Variants in UBAP2L observed in about 807,000 individuals in gnomAD.
UBAP2L encodes ubiquitin-associated protein 2-like.
A neutral mutation model predicts 130.6 loss-of-function variants in UBAP2L; 12 were observed. That is an observed-to-expected ratio of 0.09 (90% CI 0.06 to 0.15). UBAP2L has a LOEUF of 0.15. UBAP2L is among the 10% of genes least tolerant of loss of function. The pLI, the probability that UBAP2L is intolerant of heterozygous loss-of-function variation, is 1.00. For missense variants in UBAP2L, 965 were observed against 1,332.5 expected, an observed-to-expected ratio of 0.72 and a Z score of 4.29; for synonymous variants, 503 against 524.7, an observed-to-expected ratio of 0.96 and a Z score of 0.57.
chr1:154,227,142 C>G (rs1242565803), intron 2 of UBAP2L, 140 bp from the exon 3 acceptor site: 101 of 675,150 alleles, frequency 1.5e-4, no homozygotes, highest in Non-Finnish European at 3.1e-5. Flanking sequence ...CCCCATTAAG[C>G]GTCCTAAATG....
intron 1 of UBAP2L, among the ~76,000 whole-genome samples, chr1:154,223,064 G>A (rs1379781820): frequency 6.6e-6 from 1 of 152,154 alleles, no homozygotes; most frequent in Non-Finnish European, 1.5e-5. Flanking sequence ...GCCCTCAAGT[G>A]ATCCATTCCA....
chr1:154,224,989 A>G, intron 1 of UBAP2L, 95 bp from the exon 2 acceptor site: 2 of 693,386 alleles, frequency 2.9e-6, no homozygotes, highest in Non-Finnish European at 4.8e-6. Context: ...GTTCCTTTGA[A>G]GAAGTGAAAG....
At chr1:154,246,903 A>G (rs972711540) in intron 11 of UBAP2L, among the ~76,000 whole-genome samples, 1 of 152,210 alleles carries the variant, frequency 6.6e-6, no homozygotes, top group Non-Finnish European at 1.5e-5. Context: ...ATCTTCCCAA[A>G]GGTGGCTATA....
chr1:154,225,029 G>A, intron 1 of UBAP2L, 55 bp from the exon 2 acceptor site: 2 of 1,229,790 alleles, frequency 1.6e-6, no homozygotes, highest in Admixed American at 2.0e-5. Flanking sequence ...TGATGAGAGA[G>A]TTAAAAACAT....
chr1:154,261,217 G>C, intron 23 of UBAP2L, 108 bp downstream of exon 23: 3 of 1,273,406 alleles, frequency 2.4e-6, no homozygotes, highest in Non-Finnish European at 3.2e-6. Context: ...AGGAGGAACA[G>C]TTTCCACCTC....
intron 4 of UBAP2L, among the ~76,000 whole-genome samples, chr1:154,230,154 G>A (rs1268660871): frequency 6.6e-6 from 1 of 152,096 alleles, no homozygotes; most frequent in African/African-American, 2.4e-5. Flanking sequence ...CTACAGGCAT[G>A]CACCACCATG....
In UBAP2L at chr1:154,246,223, C is replaced by T; in HGVS notation, c.862C>T (p.Leu288=). 1 of 1,611,282 alleles carries T rather than the reference C, an allele frequency of 6.2e-7. No homozygotes were observed. Among genetic ancestry groups the T allele is most frequent in the Non-Finnish European group, 8.5e-7 (1 of 1,178,136 alleles). Residue 288 remains leucine, a synonymous_variant, in exon 11 of 27, where the codon CTG becomes TTG. Transcript: ENST00000428931. ...AGQRIDLAVL[L]GKTPSTMEND... ...CATTAGAATTGACCTTGCTGTTCTG[C>T]TGGGGAAGACACCATCTACAATGGA... is the stretch of plus-strand genomic sequence containing the variant.
intron 23 of UBAP2L, 104 bp downstream of exon 23, chr1:154,261,213 AAC>A: frequency 7.6e-7 from 1 of 1,309,772 alleles, no homozygotes; most frequent in Non-Finnish European, 1.0e-6. Context: ...GATGAGGAGG[AAC>A]AGTTTCCACC....
At chr1:154,238,750 T>C (rs1672524161) in intron 8 of UBAP2L, among the ~76,000 whole-genome samples, 1 of 152,138 alleles carries the variant, frequency 6.6e-6, no homozygotes, top group Non-Finnish European at 1.5e-5. Flanking sequence ...TTTTCTTTTT[T>C]TCTTTTTTGA....
Position 154,249,281 on chromosome 1 carries a change from A to G in UBAP2L, c.1057A>G (p.Lys353Glu), listed in dbSNP as rs1229319510. The change falls in exon 12 of 27, where the codon AAA becomes GAA. Residue 353 changes from lysine (K) to glutamate (E), a missense_variant. Coordinates refer to ENST00000428931, the MANE Select transcript of UBAP2L (RefSeq NM_014847.4). ...AGGATTTGGTGATGTCGGTGAAGCTAAAGGCGGCAGTACTACAGGCTCCCA... is the reference window on the plus strand; with the variant it reads ...AGGATTTGGTGATGTCGGTGAAGCTGAAGGCGGCAGTACTACAGGCTCCCA... ...GKGFGDVGEA[K>E]GGSTTGSQFL... is the part of the protein sequence containing the mutation. 24 of 1,614,016 alleles carry G rather than the reference A, an allele frequency of 1.5e-5. No individual in the cohort carries two copies. Among genetic ancestry groups the G allele is most frequent in the Non-Finnish European group, 1.9e-5 (23 of 1,180,038 alleles).
chr1:154,246,216 T>C lies in UBAP2L; in HGVS notation c.855T>C (p.Ala285=), dbSNP rs376054097. The C allele has an allele frequency of 6.2e-7, 1 of 1,610,424 alleles. No individual in the cohort carries two copies. The highest frequency in any genetic ancestry group is 8.5e-7 in the Non-Finnish European group (1 of 1,177,338). The stretch of plus-strand genomic sequence containing the variant: ...CCTTCCCCATTAGAATTGACCTTGC[T>C]GTTCTGCTGGGGAAGACACCATCTA... The part of the protein sequence containing the change: ...TITAGQRIDL[A]VLLGKTPSTM... The change falls in exon 11 of 27, where the codon GCT becomes GCC. Residue 285 remains alanine, a synonymous_variant. Transcript: ENST00000428931.
upstream of UBAP2L, chr1:154,220,688 A>G (rs1347781768): frequency 2.1e-6 from 1 of 482,678 alleles, no homozygotes; most frequent in Non-Finnish European, 3.8e-6. Context: ...CAGTAAGAGG[A>G]AGCGGCGGCC....
intron 26 of UBAP2L, chr1:154,269,718 A>T (rs1558243047): frequency 1.6e-5 from 5 of 315,438 alleles, no homozygotes. Context: ...ATGGGCTCAC[A>T]GATGTGATGT....
Position 154,255,734 on chromosome 1 carries a change from C to T in UBAP2L, c.2136C>T (p.Arg712=), listed in dbSNP as rs1367120904. The stretch of plus-strand genomic sequence containing the variant: ...TTTCATCATCAACATCTTCTGGGCG[C>T]ACTTCGACATCCACTCTTTTGGTAA... The part of the protein sequence containing the change: ...NTLSSSTSSG[R]TSTSTLLHTS... The change falls in exon 18 of 27, where the codon CGC becomes CGT. Residue 712 remains arginine (R), a synonymous_variant. Coordinates refer to ENST00000428931, the MANE Select transcript of UBAP2L (RefSeq NM_014847.4). The T allele has an allele frequency of 6.2e-7, 1 of 1,614,176 alleles. No individual in the cohort carries two copies. Among genetic ancestry groups the T allele is most frequent in the African/African-American group, 1.3e-5 (1 of 75,048 alleles).
At chr1:154,226,524 A>G (rs1285659020) in intron 2 of UBAP2L, among the ~76,000 whole-genome samples, 2 of 152,218 alleles carry the variant, frequency 1.3e-5, no homozygotes, top group East Asian at 3.8e-4. Flanking sequence ...GAATTATAAT[A>G]CTTAGTTGGG....
intron 2 of UBAP2L, among the ~76,000 whole-genome samples, chr1:154,226,464 C>G (rs184675964): frequency 1.3e-5 from 2 of 152,154 alleles, no homozygotes; most frequent in African/African-American, 4.8e-5. Context: ...ATTAGGACAT[C>G]CCCCTTACGC....
Position 154,237,052 on chromosome 1 carries a change from C to T in UBAP2L, c.619C>T (p.Pro207Ser), listed in dbSNP as rs764236172. ...CTTTAACCCAGCTGATTATGCAGAG[C>T]CAGCCAATACTGATGATAACTATGG... Reference protein sequence around the residue: ...GTFNPADYAEPANTDDNYGNS... With the variant: ...GTFNPADYAESANTDDNYGNS... Residue 207 changes from proline (P) to serine (S), a missense_variant, in exon 8 of 27, where the codon CCA becomes TCA. Pro to Ser is a moderately conservative substitution (Grantham distance 74). Transcript: ENST00000428931. 1.2e-5 allele frequency: 20 copies of T among 1,614,078 alleles called. 1 individual carries two copies. The South Asian group carries it at 2.1e-4, about 17-fold the overall frequency.
intron 11 of UBAP2L, 33 bp from the exon 12 acceptor site, chr1:154,249,206 G>C: frequency 6.2e-6 from 10 of 1,609,648 alleles, no homozygotes; most frequent in Non-Finnish European, 8.5e-6. Flanking sequence ...GTTACTGGCT[G>C]TAGGTTTCTC....
intron 22 of UBAP2L, 117 bp from the exon 23 acceptor site, chr1:154,260,775 A>T: frequency 1.0e-6 from 1 of 975,542 alleles, no homozygotes; most frequent in East Asian, 2.6e-5. Flanking sequence ...AATTCAAGGA[A>T]TTGAACTTTA....
Sources: allele counts gnomAD v4.1 joint callset (sites outside exome capture counted in the v4.1 genomes callset), GRCh38; gene constraint gnomAD v4.1.1; transcripts MANE v1.5; gene names NCBI Gene and HGNC (gene_info 2026-07-23, HGNC 2026-07-21).